The following KCNH8 variants were observed in gnomAD, a reference collection of about 807,000 sequenced individuals.
KCNH8 encodes voltage-gated delayed rectifier potassium channel KCNH8.
Under a neutral mutation model 103.6 loss-of-function variants are expected in KCNH8, and 70 were observed. The ratio of observed to expected loss-of-function variants is 0.68; its 90% CI spans 0.56 to 0.82. The LOEUF (loss-of-function observed/expected upper bound fraction) is 0.82, where lower values mean the gene tolerates loss of function less well. KCNH8 is among the 40% of genes least tolerant of loss of function. The pLI, the probability that KCNH8 is intolerant of heterozygous loss-of-function variation, is 0.00. For missense variants in KCNH8, 1,217 were observed against 1,329.9 expected (o/e 0.92, Z 1.32); for synonymous variants, 498 against 489.4 (o/e 1.02, Z -0.23).
Position 19,520,072 on chromosome 3 carries a change from ATTTCT to A in KCNH8, c.2619+2007_2619+2011del, listed in dbSNP as rs996816972. The stretch of plus-strand genomic sequence containing the variant: ...TTCCCAGTATGATCCTGTATTCACG[ATTTCT>A]TTTCTTTTTTTTTAAATTATACTTT... On this transcript the variant is annotated intron_variant, in intron 15 of 15. Transcript: ENST00000328405. Among the ~76,000 whole-genome samples, 4 of 151,226 alleles carry A rather than the reference ATTTCT, an allele frequency of 2.6e-5. No individual in the cohort carries two copies. The East Asian group carries it at 5.9e-4, about 22-fold the overall frequency.
intron 11 of KCNH8, among the ~76,000 whole-genome samples, chr3:19,488,342 G>T (rs1559352472): frequency 6.6e-6 from 1 of 152,192 alleles, no homozygotes; most frequent in African/African-American, 2.4e-5. Context: ...GCCTGGCCTG[G>T]TGTTCGGCTT....
intron 6 of KCNH8, among the ~76,000 whole-genome samples, chr3:19,393,327 T>C (rs1449860842): frequency 6.6e-6 from 1 of 152,058 alleles, no homozygotes; most frequent in East Asian, 1.9e-4. Flanking sequence ...ATTTCTTTAA[T>C]GCCAGTTTTT....
At chr3:19,389,677 G>A (rs1163969868) in intron 5 of KCNH8, among the ~76,000 whole-genome samples, 1 of 152,072 alleles carries the variant, frequency 6.6e-6, no homozygotes, top group African/African-American at 2.4e-5. Context: ...TGCCCAGGCT[G>A]GAGTGCATGG....
At chr3:19,348,102 C>A in intron 5 of KCNH8, 137 bp downstream of exon 5, 3 of 978,582 alleles carry the variant, frequency 3.1e-6, no homozygotes, top group Non-Finnish European at 4.5e-6. Flanking sequence ...TTTGGAGAAG[C>A]ACATACTGTA....
intron 3 of KCNH8, among the ~76,000 whole-genome samples, chr3:19,304,031 A>G (rs767813481): frequency 6.6e-5 from 10 of 152,208 alleles, no homozygotes; most frequent in Non-Finnish European, 1.3e-4. Flanking sequence ...ATCAGGCAGT[A>G]CTAAAAGAGG....
At chr3:19,518,825 A>G (rs935600350) in intron 15 of KCNH8, among the ~76,000 whole-genome samples, 11 of 152,030 alleles carry the variant, frequency 7.2e-5, no homozygotes, top group Admixed American at 2.0e-4. Flanking sequence ...TTATAGAAAT[A>G]AATACAAAAA....
chr3:19,346,606 A>C (rs1260156546), intron 4 of KCNH8: 1 of 456,260 alleles, frequency 2.2e-6, no homozygotes, highest in South Asian at 1.6e-5. Context: ...GTCACCACTT[A>C]GAGCTAAATG....
intron 1 of KCNH8, among the ~76,000 whole-genome samples, chr3:19,241,139 C>G (rs1197225472): frequency 6.6e-6 from 1 of 152,096 alleles, no homozygotes; most frequent in Non-Finnish European, 1.5e-5. Flanking sequence ...TTGTCTTTTT[C>G]TTTCTTTCCT....
At chr3:19,221,849 T>C (rs1044525312) in intron 1 of KCNH8, among the ~76,000 whole-genome samples, 2 of 151,796 alleles carry the variant, frequency 1.3e-5, no homozygotes, top group African/African-American at 4.9e-5. Context: ...CATTCCTTTT[T>C]TTTTTTTTTC....
intron 1 of KCNH8, among the ~76,000 whole-genome samples, chr3:19,162,356 T>C (rs1012492847): frequency 3.5e-5 from 3 of 84,782 alleles, no homozygotes; most frequent in Non-Finnish European, 7.1e-5. Flanking sequence ...TAACTAAAAA[T>C]ACAAAAAAAA....
intron 2 of KCNH8, among the ~76,000 whole-genome samples, chr3:19,273,402 T>C (rs1320356589): frequency 6.6e-6 from 1 of 152,192 alleles, no homozygotes. Context: ...ATCAGACATT[T>C]GTCTGCTCAC....
intron 7 of KCNH8, among the ~76,000 whole-genome samples, chr3:19,414,216 A>G (rs934439348): frequency 1.3e-5 from 2 of 152,128 alleles, no homozygotes; most frequent in Non-Finnish European, 2.9e-5. Context: ...AAGAAACATT[A>G]AAGTTTACAA....
Position 19,242,250 on chromosome 3 carries a change from G to C in KCNH8, c.77-11404G>C, listed in dbSNP as rs566213229. Among the ~76,000 whole-genome samples the C allele has an allele frequency of 4.6e-5, 7 of 152,256 alleles. No individual in the cohort carries two copies. In the East Asian group the frequency reaches 1.4e-3, roughly 29 times the overall value. On this transcript the variant is annotated intron_variant, in intron 1 of 15. Coordinates refer to ENST00000328405, the MANE Select transcript of KCNH8 (RefSeq NM_144633.3). ...TTTCTAGGTAGTATAACCAAAAGCA[G>C]GTGTTAAATCCACATGTGGATTAGG...
chr3:19,330,690 A>G (rs972748927), intron 3 of KCNH8, among the ~76,000 whole-genome samples: 1 of 152,196 alleles, frequency 6.6e-6, no homozygotes. Context: ...TAATAGGGTA[A>G]TTTTTGGTTT....
At chr3:19,360,729 A>G (rs886280319) in intron 5 of KCNH8, among the ~76,000 whole-genome samples, 35 of 152,208 alleles carry the variant, frequency 2.3e-4, no homozygotes, top group Middle Eastern at 3.4e-3. Flanking sequence ...ATCAGAGACA[A>G]CATAAAAGAA....
At chr3:19,240,526 C>T (rs1028990619) in intron 1 of KCNH8, among the ~76,000 whole-genome samples, 3 of 151,412 alleles carry the variant, frequency 2.0e-5, no homozygotes, top group Non-Finnish European at 4.4e-5. Context: ...GCAGGAGAAT[C>T]GCTTGAACCT....
intron 2 of KCNH8, among the ~76,000 whole-genome samples, chr3:19,258,941 C>CTATATA (rs1559446903): frequency 3.6e-4 from 23 of 64,504 alleles, no homozygotes; most frequent in African/African-American, 5.2e-4. Context: ...CTCTCTCTCT[C>CTATATA]TCTCTCTATA....
At chr3:19,347,676 T>A (rs1160863711) in intron 4 of KCNH8, 49 bp from the exon 5 acceptor site, 1 of 1,601,246 alleles carries the variant, frequency 6.2e-7, no homozygotes, top group African/African-American at 1.3e-5. Context: ...GTAATCCTTG[T>A]TTCTAATGTT....
At chr3:19,298,855 C>G (rs956454736) in intron 3 of KCNH8, among the ~76,000 whole-genome samples, 7 of 146,568 alleles carry the variant, frequency 4.8e-5, no homozygotes, top group East Asian at 2.0e-4. Context: ...CCGGGAGGCG[C>G]AGCTTGCAGT....
Sources: gnomAD v4.1 joint callset for allele counts (sites outside exome capture counted in the v4.1 genomes callset) on GRCh38, gnomAD v4.1.1 for gene constraint, MANE v1.5 for transcripts, NCBI Gene and HGNC (gene_info 2026-07-23, HGNC 2026-07-21) for gene names.